CHD7: variants seen among roughly 807,000 people sequenced by gnomAD.
CHD7 encodes ATP-dependent chromatin remodeler CHD7.
A neutral mutation model predicts 307.3 loss-of-function variants in CHD7; 24 were observed. The ratio of observed to expected loss-of-function variants is 0.08; its 90% CI spans 0.06 to 0.11. The LOEUF (loss-of-function observed/expected upper bound fraction) is 0.11, where lower values mean the gene tolerates loss of function less well. Ranked by LOEUF, CHD7 falls within the 10% of genes least tolerant of loss-of-function variation. The probability of loss-of-function intolerance (pLI) is 1.00; values close to 1 mark genes in which losing one functional copy is unlikely to be tolerated. For synonymous variants in CHD7, 1,363 were observed against 1,349.9 expected, an observed-to-expected ratio of 1.01 and a Z score of -0.21; for missense variants, 3,106 against 3,727.1, an observed-to-expected ratio of 0.83 and a Z score of 4.34.
chr8:60,801,651 T>A (rs540957987), intron 6 of CHD7, 58 bp downstream of exon 6: 1 of 1,088,852 alleles, frequency 9.2e-7, no homozygotes, highest in South Asian at 1.5e-5. Context: ...TACAGGATTG[T>A]TGGCTTTGTA....
intron 13 of CHD7, among the ~76,000 whole-genome samples, chr8:60,827,046 T>G (rs955819811): frequency 1.3e-5 from 2 of 152,220 alleles, no homozygotes; most frequent in East Asian, 3.8e-4. Flanking sequence ...ATACCTAGTT[T>G]TATTCCACTA....
At chr8:60,779,041 C>CTATA (rs1811080886) in intron 2 of CHD7, among the ~76,000 whole-genome samples, 1 of 152,142 alleles carries the variant, frequency 6.6e-6, no homozygotes, top group South Asian at 2.1e-4. Context: ...TCTGTGTTTC[C>CTATA]TATATATCGT....
intron 6 of CHD7, among the ~76,000 whole-genome samples, chr8:60,807,734 G>T (rs1303272926): frequency 6.6e-6 from 1 of 152,200 alleles, no homozygotes; most frequent in Middle Eastern, 3.2e-3. Context: ...TTCTTGTTTA[G>T]AGTTATTAAG....
At chr8:60,701,041 C>A (rs901285126) in intron 1 of CHD7, among the ~76,000 whole-genome samples, 2 of 152,212 alleles carry the variant, frequency 1.3e-5, no homozygotes, top group African/African-American at 4.8e-5. Context: ...AAGATACATG[C>A]TGACTTATAC....
Position 60,865,570 on chromosome 8 carries a change from T to C in CHD7, c.8631T>C (p.Ala2877=). The C allele has an allele frequency of 1.2e-6, 2 of 1,614,084 alleles. No homozygotes were observed. The part of the protein sequence containing the change: ...ADSANGSVGA[A]TAPAGLPSNP... ...CTGCGAATGGATCTGTTGGTGCTGC[T>C]ACTGCCCCGGCTGGATTGCCCTCAA... Residue 2877 remains alanine, a synonymous_variant, in exon 38 of 38, where the codon GCT becomes GCC. Coordinates refer to ENST00000423902, the MANE Select transcript of CHD7 (RefSeq NM_017780.4). This position sits in a 1 kb window ranked among gnomAD's most constrained non-coding sequence, Gnocchi z 4.3.
rs933306647 is a variant in CHD7 at position 60,867,215 on chromosome 8, C to A, written c.*1282C>A. The A allele has an allele frequency of 1.3e-5, 2 of 152,150 alleles. No individual in the cohort carries two copies. The highest frequency in any genetic ancestry group is 4.8e-5 in the African/African-American group (2 of 41,420). The allele number at this position is 152,150 out of a possible 1,614,324, so 9.4% of individuals were successfully genotyped here. ...GTGCAGCGTGTGATAATGTGGTACA[C>A]TGAAGAACAAAAGGGCAAAAGAAAA... On this transcript the variant is annotated 3_prime_UTR_variant, in exon 38 of 38. Transcript: ENST00000423902.
intron 1 of CHD7, among the ~76,000 whole-genome samples, chr8:60,720,936 A>T (rs1055607164): frequency 6.6e-6 from 1 of 152,214 alleles, no homozygotes; most frequent in Non-Finnish European, 1.5e-5. Flanking sequence ...GGAGTCCCTT[A>T]GAGCCCTGCT....
intron 1 of CHD7, among the ~76,000 whole-genome samples, chr8:60,691,441 C>T (rs965261567): frequency 8.5e-5 from 13 of 152,324 alleles, no homozygotes; most frequent in African/African-American, 2.9e-4. Context: ...ATACAGTTTA[C>T]TTGTGCATCT....
At chr8:60,821,726 A>G (rs1173235280) in intron 9 of CHD7, 64 bp from the exon 10 acceptor site, 5 of 1,392,858 alleles carry the variant, frequency 3.6e-6, no homozygotes, top group Non-Finnish European at 3.9e-6. Flanking sequence ...ATATACACAT[A>G]TATATGTATA....
chr8:60,737,585 G>C (rs2150571702), intron 1 of CHD7, among the ~76,000 whole-genome samples: 1 of 152,238 alleles, frequency 6.6e-6, no homozygotes, highest in South Asian at 2.1e-4. Context: ...TGTTAGTTGA[G>C]TGGTCTCGTT....
intron 12 of CHD7, 136 bp from the exon 13 acceptor site, chr8:60,823,704 G>T (rs1222311670): frequency 1.3e-6 from 1 of 752,906 alleles, no homozygotes; most frequent in Non-Finnish European, 2.1e-6. Context: ...AAAATAACTT[G>T]AAAACAGAAT....
In CHD7 at chr8:60,794,118, G is replaced by C. The variant is rs1279412516; in HGVS notation, c.2097-868G>C. Among the ~76,000 whole-genome samples the C allele has an allele frequency of 4.0e-5, 6 of 151,800 alleles. No homozygotes were observed. The South Asian group carries it at 1.2e-3, about 31-fold the overall frequency. On this transcript the variant is annotated intron_variant, in intron 3 of 37. Coordinates refer to ENST00000423902, the MANE Select transcript of CHD7 (RefSeq NM_017780.4). ...GCCTGGGCAACAAGAGTGAAACTGT[G>C]TCTCAAAAAATAAAAAAAAAACTGG... is the stretch of plus-strand genomic sequence containing the variant.
chr8:60,787,829 C>CTT (rs33993174), intron 3 of CHD7, among the ~76,000 whole-genome samples: 3 of 108,806 alleles, frequency 2.8e-5, no homozygotes, highest in African/African-American at 1.0e-4. Flanking sequence ...GATTTTCTTT[C>CTT]TTTTTTTTTT....
chr8:60,734,190 C>G (rs906175661), intron 1 of CHD7, among the ~76,000 whole-genome samples: 4 of 152,246 alleles, frequency 2.6e-5, no homozygotes, highest in Non-Finnish European at 4.4e-5. Flanking sequence ...GGTCAGTGTG[C>G]TATCCTGTAG....
At chr8:60,682,555 A>C (rs1276240020) in intron 1 of CHD7, among the ~76,000 whole-genome samples, 1 of 152,176 alleles carries the variant, frequency 6.6e-6, no homozygotes, top group African/African-American at 2.4e-5. Flanking sequence ...TGCTTGAAAA[A>C]GTTTGCTTGC....
chr8:60,709,027 C>T (rs1409819630), intron 1 of CHD7, among the ~76,000 whole-genome samples: 3 of 152,312 alleles, frequency 2.0e-5, no homozygotes, highest in East Asian at 1.9e-4. Flanking sequence ...TTTCTCCTCT[C>T]TCTGACTGAG....
chr8:60,856,681 G>T lies in CHD7; in HGVS notation c.7401G>T (p.Leu2467Phe), dbSNP rs1805731349. The T allele has an allele frequency of 6.2e-7, 1 of 1,614,020 alleles. No homozygotes were observed. The highest frequency in any genetic ancestry group is 8.5e-7 in the Non-Finnish European group (1 of 1,179,900). ...NFSSLSSKFILPNVSTPVSDA... is the reference protein window; with the variant it reads ...NFSSLSSKFIFPNVSTPVSDA... The stretch of plus-strand genomic sequence containing the variant: ...CATCTCTTTCTTCAAAGTTTATCTT[G>T]CCTAATGTCTCAACACCAGTGTCTG... The change falls in exon 34 of 38, where the codon TTG becomes TTT. Residue 2467 changes from leucine to phenylalanine, a missense_variant. Coordinates refer to ENST00000423902, the MANE Select transcript of CHD7 (RefSeq NM_017780.4).
chr8:60,756,792 A>G (rs1453767324), intron 2 of CHD7, among the ~76,000 whole-genome samples: 1 of 152,204 alleles, frequency 6.6e-6, no homozygotes, highest in African/African-American at 2.4e-5. Flanking sequence ...TTTTTGGTTT[A>G]TTAATTAGGT....
At chr8:60,861,318 A>G in intron 35 of CHD7, 193 bp downstream of exon 35, 1 of 547,178 alleles carries the variant, frequency 1.8e-6, no homozygotes, top group Non-Finnish European at 3.2e-6. Flanking sequence ...GTCTTACTGA[A>G]GGCAGCCTTA....
Sources: gnomAD v4.1 joint callset for allele counts (sites outside exome capture counted in the v4.1 genomes callset) on GRCh38, gnomAD v4.1.1 for gene constraint, Gnocchi (gnomAD v3.1) non-coding constraint, MANE v1.5 for transcripts, NCBI Gene and HGNC (gene_info 2026-07-23, HGNC 2026-07-21) for gene names.